LRP1B: variants seen among roughly 807,000 people sequenced by gnomAD.
The protein encoded by LRP1B is low-density lipoprotein receptor-related protein 1B.
In LRP1B, 217 loss-of-function variants were observed where a neutral mutation model predicts 556.6. That is an observed-to-expected ratio of 0.39 (90% CI 0.35 to 0.44). The LOEUF is 0.44. Among genes scored for constraint, LRP1B ranks in the 20% least tolerant of loss-of-function variants. LRP1B has a pLI of 1.00. For missense variants in LRP1B, 5,053 were observed against 5,620.8 expected (o/e 0.90, Z 3.23); for synonymous variants, 2,047 against 1,865.8 (o/e 1.10, Z -2.50).
Position 140,583,162 on chromosome 2 carries a change from C to CTT in LRP1B, c.7194+15467_7194+15468dup, listed in dbSNP as rs1220644581. Among the ~76,000 whole-genome samples the CTT allele has an allele frequency of 3.0e-3, 320 of 107,724 alleles. 16 individuals are homozygous for CTT. Among genetic ancestry groups the CTT allele is most frequent in the African/African-American group, 0.011 (261 of 24,634 alleles). The allele number at this position is 107,724 out of a possible 152,430, so 70.7% of individuals were successfully genotyped here. Reference sequence around the variant, plus strand: ...TGAAAGTTTCTATTGACAGTTTCTCCTTTTTTTTCTTTTTTTTTTTTTTTT... The same window carrying CTT: ...TGAAAGTTTCTATTGACAGTTTCTCCTTTTTTTTTTCTTTTTTTTTTTTTTTT... On this transcript the variant is annotated intron_variant, in intron 43 of 90. Coordinates refer to ENST00000389484, the MANE Select transcript of LRP1B (RefSeq NM_018557.3).
In LRP1B at chr2:141,058,887, T is replaced by C. The variant is rs777610373; in HGVS notation, c.1404A>G (p.Pro468=). The change falls in exon 9 of 91, where the codon CCA becomes CCG. Residue 468 remains proline (P), a synonymous_variant. Transcript: ENST00000389484. The part of the protein sequence containing the change: ...GIRIYQKRTQ[P]TVRSHACEVD... ...TAAAGAAGCTTTCCCACTTACCTGT[T>C]GGTTGAGTTCTTTTTTGATAAATTC... 5 of 1,584,096 alleles carry C rather than the reference T, an allele frequency of 3.2e-6. No homozygotes were observed. In the East Asian group the frequency reaches 9.1e-5, roughly 29 times the overall value.
Position 140,373,045 on chromosome 2 carries a change from G to T in LRP1B, c.10731C>A (p.Asp3577Glu), listed in dbSNP as rs1558836891. 2 of 1,613,392 alleles carry T rather than the reference G, an allele frequency of 1.2e-6. No individual in the cohort carries two copies. Among genetic ancestry groups the T allele is most frequent in the Non-Finnish European group, 1.7e-6 (2 of 1,179,618 alleles). ...TTTTCTCATCTTCCCCATATTTGCAGTCTTCATGGCCATCACATTTCCATT... is the reference window on the plus strand; with the variant it reads ...TTTTCTCATCTTCCCCATATTTGCATTCTTCATGGCCATCACATTTCCATT... ...PAKWKCDGHE[D>E]CKYGEDEKSC... is the part of the protein sequence containing the mutation. Residue 3577 changes from aspartate to glutamate, a missense_variant, in exon 69 of 91, where the codon GAC (aspartate) becomes GAA (glutamate). Physicochemically the swap from Asp to Glu is conservative, Grantham distance 45. Transcript: ENST00000389484.
chr2:140,935,546 G>T (rs957590376), intron 20 of LRP1B, among the ~76,000 whole-genome samples: 1 of 152,026 alleles, frequency 6.6e-6, no homozygotes, highest in Non-Finnish European at 1.5e-5. Flanking sequence ...GACTTGCAGG[G>T]CACCATGAAG....
intron 26 of LRP1B, 61 bp from the exon 27 acceptor site, chr2:140,867,895 A>C: frequency 6.9e-7 from 1 of 1,449,980 alleles, no homozygotes; most frequent in Non-Finnish European, 9.2e-7. Context: ...CCAGAGACAT[A>C]ATCATGTAAC....
At chr2:142,130,356 G>A (rs1283915101) in intron 1 of LRP1B, among the ~76,000 whole-genome samples, 1 of 152,234 alleles carries the variant, frequency 6.6e-6, no homozygotes, top group Non-Finnish European at 1.5e-5. Flanking sequence ...GCAGCGCTTA[G>A]AATTCGCGGA....
At chr2:141,268,763 C>T (rs1359402655) in intron 3 of LRP1B, among the ~76,000 whole-genome samples, 2 of 152,060 alleles carry the variant, frequency 1.3e-5, no homozygotes, top group African/African-American at 2.4e-5. Context: ...TCTGAAGAGA[C>T]TGAACTAGAT....
At chr2:141,397,614 A>AT (rs1690289943) in intron 3 of LRP1B, among the ~76,000 whole-genome samples, 2 of 151,858 alleles carry the variant, frequency 1.3e-5, no homozygotes, top group African/African-American at 2.4e-5. Flanking sequence ...GCACACCTGG[A>AT]TTTTTTATTG....
At chr2:140,984,201 C>T (rs959784201) in intron 17 of LRP1B, among the ~76,000 whole-genome samples, 3 of 151,934 alleles carry the variant, frequency 2.0e-5, no homozygotes, top group African/African-American at 7.2e-5. Context: ...TCACTGGTTA[C>T]AATAAATACC....
intron 2 of LRP1B, among the ~76,000 whole-genome samples, chr2:141,758,054 A>G (rs1299110031): frequency 2.6e-5 from 4 of 152,218 alleles, no homozygotes; most frequent in Non-Finnish European, 5.9e-5. Context: ...GCATTTACAA[A>G]TTATGCAAAT....
intron 2 of LRP1B, among the ~76,000 whole-genome samples, chr2:141,491,211 C>T (rs1683322560): frequency 1.3e-5 from 2 of 152,026 alleles, no homozygotes; most frequent in South Asian, 4.1e-4. Flanking sequence ...AGTGAATAAA[C>T]ACATATTTAA....
intron 2 of LRP1B, among the ~76,000 whole-genome samples, chr2:141,489,492 A>G (rs538765086): frequency 6.6e-6 from 1 of 152,038 alleles, no homozygotes; most frequent in East Asian, 1.9e-4. Flanking sequence ...CACTTACAAG[A>G]CTATCAAGAA....
chr2:140,416,070 A>T (rs1025770390), intron 66 of LRP1B, among the ~76,000 whole-genome samples: 3 of 152,190 alleles, frequency 2.0e-5, no homozygotes, highest in African/African-American at 7.2e-5. Context: ...GCACAGCAGG[A>T]GGCGAGTGGC....
intron 7 of LRP1B, among the ~76,000 whole-genome samples, chr2:141,126,301 T>C (rs1701210266): frequency 6.6e-6 from 1 of 152,198 alleles, no homozygotes; most frequent in South Asian, 2.1e-4. Context: ...CCCAAAGTGC[T>C]GGTATTACAG....
intron 1 of LRP1B, among the ~76,000 whole-genome samples, chr2:141,884,211 C>T (rs568083861): frequency 1.6e-5 from 2 of 127,036 alleles, no homozygotes; most frequent in African/African-American, 2.5e-5. Flanking sequence ...TCTGTCTCTA[C>T]AAAAAAATAA....
chr2:141,641,201 A>C (rs587339), intron 2 of LRP1B, among the ~76,000 whole-genome samples: 1 of 151,630 alleles, frequency 6.6e-6, no homozygotes, highest in African/African-American at 2.4e-5. Flanking sequence ...TGGGTAGCTC[A>C]GTTGGTTACA....
chr2:140,260,098 A>ACTTCTTCATTCG (rs1349136061), intron 86 of LRP1B, among the ~76,000 whole-genome samples: 2 of 152,024 alleles, frequency 1.3e-5, no homozygotes, highest in Non-Finnish European at 2.9e-5. Context: ...ATGAAGAAGT[A>ACTTCTTCATTCG]AAACATAAAA....
intron 83 of LRP1B, among the ~76,000 whole-genome samples, chr2:140,299,087 C>G (rs1683715230): frequency 6.6e-6 from 1 of 152,034 alleles, no homozygotes; most frequent in Non-Finnish European, 1.5e-5. Flanking sequence ...TCTCTGTCAT[C>G]TTTGTAGACA....
chr2:141,329,663 A>C lies in LRP1B; in HGVS notation c.344-75022T>G, dbSNP rs113747279. On this transcript the variant is annotated intron_variant, in intron 3 of 90. Coordinates refer to ENST00000389484, the MANE Select transcript of LRP1B (RefSeq NM_018557.3). ...TGTCTCAAAAAAAAAAAAAAAAAAA[A>C]AACTATCTCTCTCTCTATCTATCTG... Among the ~76,000 whole-genome samples the C allele has an allele frequency of 5.5e-4, 76 of 137,440 alleles. 1 individual carries two copies. Among genetic ancestry groups the C allele is most frequent in the Admixed American group, 7.9e-4 (11 of 13,890 alleles). 90.2% of individuals were successfully genotyped at this position (137,440 alleles called of 152,430 possible). A position where few individuals can be genotyped will look rare whatever the true frequency, so the allele number is the denominator to read the frequency against.
chr2:141,818,732 T>G (rs945219732), intron 1 of LRP1B, among the ~76,000 whole-genome samples: 2 of 150,612 alleles, frequency 1.3e-5, no homozygotes, highest in African/African-American at 4.9e-5. Flanking sequence ...GAGACGGGGT[T>G]TCACCGTGTT....
Sources: allele counts gnomAD v4.1 joint callset (sites outside exome capture counted in the v4.1 genomes callset), GRCh38; gene constraint gnomAD v4.1.1; transcripts MANE v1.5; gene names NCBI Gene and HGNC (gene_info 2026-07-23, HGNC 2026-07-21).